The following PAM variants were observed in gnomAD, a reference collection of about 807,000 sequenced individuals.
The protein encoded by PAM is peptidyl-glycine alpha-amidating monooxygenase.
In PAM, 72 loss-of-function variants were observed where a neutral mutation model predicts 122.1. The observed-to-expected ratio is 0.59, with a 90% CI of 0.49 to 0.72. PAM has a LOEUF of 0.72. Ranked by LOEUF, PAM falls within the 30% of genes least tolerant of loss-of-function variation. The pLI is 0.00. For missense variants in PAM, 1,106 were observed against 1,183.7 expected (o/e 0.93, Z 0.96); for synonymous variants, 389 against 404.4 (o/e 0.96, Z 0.46).
intron 5 of PAM, among the ~76,000 whole-genome samples, chr5:102,924,721 G>A (rs1312783051): frequency 6.6e-6 from 1 of 150,660 alleles, no homozygotes; most frequent in African/African-American, 2.4e-5. Context: ...TCCCTCACAG[G>A]ATTGTTTCAT....
At chr5:102,905,971 G>A (rs1002710551) in intron 4 of PAM, among the ~76,000 whole-genome samples, 1 of 151,656 alleles carries the variant, frequency 6.6e-6, no homozygotes, top group Non-Finnish European at 1.5e-5. Flanking sequence ...TAGAGGTTTT[G>A]ATGAGTGGAT....
rs768690395 is a variant in PAM at position 102,974,456 on chromosome 5, T to G, written c.1483+20T>G. ...CAGGAGGTGCGTGTAGGGTTTCTTTTAAGCAGTAAAGTGTGAAATGCTACA... is the reference window on the plus strand; with the variant it reads ...CAGGAGGTGCGTGTAGGGTTTCTTTGAAGCAGTAAAGTGTGAAATGCTACA... On this transcript the variant is annotated intron_variant, in intron 15 of 25. Coordinates refer to ENST00000438793, the MANE Select transcript of PAM (RefSeq NM_001177306.2). 11 of 1,550,990 alleles carry G rather than the reference T, an allele frequency of 7.1e-6. No homozygotes were observed. Among genetic ancestry groups the G allele is most frequent in the Non-Finnish European group, 8.8e-6 (10 of 1,136,072 alleles).
At chr5:102,779,019 T>C (rs917870980) in intron 1 of PAM, among the ~76,000 whole-genome samples, 6 of 152,190 alleles carry the variant, frequency 3.9e-5, no homozygotes, top group Non-Finnish European at 8.8e-5. Flanking sequence ...GATGGGCTTC[T>C]CTCTGTGCCT....
intron 7 of PAM, among the ~76,000 whole-genome samples, chr5:102,929,704 G>A (rs1750782336): frequency 1.3e-5 from 2 of 152,144 alleles, no homozygotes; most frequent in Non-Finnish European, 2.9e-5. Context: ...TCTTCTAAAA[G>A]TTGTGGGAAT....
Position 102,834,909 on chromosome 5 carries a change from C to A in PAM, c.-373-30914C>A, listed in dbSNP as rs1776535430. On this transcript the variant is annotated intron_variant, in intron 1 of 25. Coordinates refer to ENST00000438793, the MANE Select transcript of PAM (RefSeq NM_001177306.2). ...ATGAGTCAGGAGGCAGTTACAGTAACCTGGACACAAAGATAGTGTCTATCT... is the reference window on the plus strand; with the variant it reads ...ATGAGTCAGGAGGCAGTTACAGTAAACTGGACACAAAGATAGTGTCTATCT... Among the ~76,000 whole-genome samples the A allele has an allele frequency of 2.0e-5, 3 of 151,994 alleles. No individual in the cohort carries two copies. The South Asian group carries it at 6.2e-4, about 32-fold the overall frequency.
chr5:102,802,197 A>G (rs1415808625), intron 1 of PAM, among the ~76,000 whole-genome samples: 3 of 152,220 alleles, frequency 2.0e-5, no homozygotes, highest in Non-Finnish European at 2.9e-5. Flanking sequence ...TTTGGGACTT[A>G]TAATCAAAAT....
intron 1 of PAM, among the ~76,000 whole-genome samples, chr5:102,828,408 A>G (rs1029694552): frequency 6.6e-6 from 1 of 151,976 alleles, no homozygotes; most frequent in African/African-American, 2.4e-5. Context: ...TTGACTATAC[A>G]TTTACTTCAT....
intron 1 of PAM, among the ~76,000 whole-genome samples, chr5:102,759,856 C>A (rs1337862702): frequency 6.6e-6 from 1 of 152,148 alleles, no homozygotes; most frequent in Non-Finnish European, 1.5e-5. Context: ...AAGATGCAGT[C>A]TAGCTACTGT....
At chr5:102,895,169 T>C (rs1212192829) in intron 3 of PAM, among the ~76,000 whole-genome samples, 1 of 151,866 alleles carries the variant, frequency 6.6e-6, no homozygotes, top group African/African-American at 2.4e-5. Context: ...CACCAAGTTC[T>C]GTCTAATTAC....
chr5:102,770,623 A>G (rs938455970), intron 1 of PAM, among the ~76,000 whole-genome samples: 2 of 152,092 alleles, frequency 1.3e-5, no homozygotes, highest in African/African-American at 4.8e-5. Flanking sequence ...CATGATGATC[A>G]TATGGTTTTT....
chr5:102,889,816 C>T (rs1239116368), intron 3 of PAM, among the ~76,000 whole-genome samples: 1 of 151,838 alleles, frequency 6.6e-6, no homozygotes, highest in East Asian at 2.0e-4. Context: ...TTGGGCCTGT[C>T]TAGGACCAAG....
intron 4 of PAM, among the ~76,000 whole-genome samples, chr5:102,904,975 A>G: frequency 6.6e-6 from 1 of 151,630 alleles, no homozygotes; most frequent in East Asian, 1.9e-4. Context: ...TGATGTGTCT[A>G]TATATCTGTA....
chr5:103,004,482 T>C (rs1778359236), intron 17 of PAM, among the ~76,000 whole-genome samples: 1 of 152,228 alleles, frequency 6.6e-6, no homozygotes, highest in Non-Finnish European at 1.5e-5. Context: ...AACAGAGCTA[T>C]TGGATTGTCG....
At chr5:102,786,055 CAA>C (rs1470102892) in intron 1 of PAM, among the ~76,000 whole-genome samples, 1 of 152,034 alleles carries the variant, frequency 6.6e-6, no homozygotes, top group Admixed American at 6.6e-5. Context: ...TATGGTAAAG[CAA>C]AGTTTGCATT....
chr5:102,937,092 A>T (rs1753517713), intron 7 of PAM, among the ~76,000 whole-genome samples: 1 of 152,168 alleles, frequency 6.6e-6, no homozygotes, highest in African/African-American at 2.4e-5. Flanking sequence ...AAATTCGAAG[A>T]AGAATTTATT....
At chr5:102,835,542 A>C (rs1776780693) in intron 1 of PAM, among the ~76,000 whole-genome samples, 1 of 152,088 alleles carries the variant, frequency 6.6e-6, no homozygotes, top group Non-Finnish European at 1.5e-5. Context: ...AAATAGAAAA[A>C]AGTATACAAA....
intron 22 of PAM, among the ~76,000 whole-genome samples, chr5:103,018,300 T>C (rs1582959465): frequency 6.6e-6 from 1 of 152,008 alleles, no homozygotes; most frequent in Non-Finnish European, 1.5e-5. Flanking sequence ...ATATTAATTA[T>C]AAAAGGAAAA....
chr5:102,984,053 A>G (rs1479446204), intron 15 of PAM, among the ~76,000 whole-genome samples: 4 of 152,212 alleles, frequency 2.6e-5, no homozygotes, highest in Non-Finnish European at 5.9e-5. Context: ...AATATCTACC[A>G]TCACAAAAAC....
At chr5:102,840,496 G>T (rs1778292063) in intron 1 of PAM, among the ~76,000 whole-genome samples, 1 of 152,078 alleles carries the variant, frequency 6.6e-6, no homozygotes, top group Non-Finnish European at 1.5e-5. Flanking sequence ...GCTTTTACTG[G>T]TATATAGATT....
Sources: allele counts gnomAD v4.1 joint callset (sites outside exome capture counted in the v4.1 genomes callset), GRCh38; gene constraint gnomAD v4.1.1; transcripts MANE v1.5; gene names NCBI Gene and HGNC (gene_info 2026-07-23, HGNC 2026-07-21).